The following PAK5 variants were observed in gnomAD, a reference collection of about 807,000 sequenced individuals.
PAK5 encodes serine/threonine-protein kinase PAK 5.
PAK5 carries 16 observed loss-of-function variants against 65.9 expected under a neutral mutation model. The ratio of observed to expected loss-of-function variants is 0.24; its 90% CI spans 0.16 to 0.37. The LOEUF (loss-of-function observed/expected upper bound fraction) is 0.37. PAK5 is among the 10% of genes least tolerant of loss of function. The pLI is 1.00. For missense variants in PAK5, 785 were observed against 903.9 expected (o/e 0.87, Z 1.69); for synonymous variants, 371 against 354.9 (o/e 1.05, Z -0.51).
chr20:9,684,060 A>G (rs1484329918), intron 2 of PAK5, among the ~76,000 whole-genome samples: 1 of 152,220 alleles, frequency 6.6e-6, no homozygotes, highest in Non-Finnish European at 1.5e-5. Flanking sequence ...AAGACTGCCA[A>G]CAAGAACCAG....
chr20:9,631,269 T>C (rs2046917365), intron 3 of PAK5, among the ~76,000 whole-genome samples: 2 of 152,080 alleles, frequency 1.3e-5, no homozygotes, highest in African/African-American at 2.4e-5. Context: ...TTCTAACCAA[T>C]AGAATATGGT....
intron 2 of PAK5, among the ~76,000 whole-genome samples, chr20:9,695,455 C>T (rs1032771243): frequency 1.3e-5 from 2 of 152,000 alleles, no homozygotes; most frequent in Admixed American, 1.3e-4. Flanking sequence ...AATACATTAT[C>T]CTGCTTTTAG....
At chr20:9,739,186 T>G (rs984544717) in intron 1 of PAK5, among the ~76,000 whole-genome samples, 5 of 152,082 alleles carry the variant, frequency 3.3e-5, no homozygotes, top group African/African-American at 9.7e-5. Context: ...TGAAACATTT[T>G]TCTTTCTGCA....
At chr20:9,701,997 C>CA (rs2047945579) in intron 2 of PAK5, among the ~76,000 whole-genome samples, 2 of 151,500 alleles carry the variant, frequency 1.3e-5, no homozygotes, top group African/African-American at 2.4e-5. Flanking sequence ...GACCCTGTCT[C>CA]AAAAAAAATT....
chr20:9,628,705 C>T (rs765044364), intron 3 of PAK5, among the ~76,000 whole-genome samples: 12 of 152,128 alleles, frequency 7.9e-5, no homozygotes, highest in Non-Finnish European at 1.6e-4. Flanking sequence ...TAGCAGTTGC[C>T]ACCGGTGCTG....
At chr20:9,739,195 C>T (rs2123578967) in intron 1 of PAK5, among the ~76,000 whole-genome samples, 1 of 151,358 alleles carries the variant, frequency 6.6e-6, no homozygotes, top group South Asian at 2.1e-4. Flanking sequence ...TTTCTTTCTG[C>T]AGTTGAATCA....
At chr20:9,813,299 G>C (rs2049319308) in intron 1 of PAK5, among the ~76,000 whole-genome samples, 2 of 151,364 alleles carry the variant, frequency 1.3e-5, no homozygotes, top group South Asian at 4.3e-4. Context: ...GGGGGTGACA[G>C]ATATGTTCAT....
intron 3 of PAK5, among the ~76,000 whole-genome samples, chr20:9,600,371 T>A (rs2046338960): frequency 6.6e-6 from 1 of 152,250 alleles, no homozygotes; most frequent in Non-Finnish European, 1.5e-5. Flanking sequence ...ATGGTTTTCC[T>A]ATTTCTGTAA....
intron 3 of PAK5, among the ~76,000 whole-genome samples, chr20:9,610,440 T>C (rs1241607478): frequency 4.6e-5 from 7 of 152,220 alleles, no homozygotes; most frequent in Non-Finnish European, 1.0e-4. Flanking sequence ...TTTGATGTGG[T>C]TCCATCCCAT....
At chr20:9,777,938 G>C (rs1428726280) in intron 1 of PAK5, among the ~76,000 whole-genome samples, 1 of 152,198 alleles carries the variant, frequency 6.6e-6, no homozygotes, top group Non-Finnish European at 1.5e-5. Flanking sequence ...GATGGTATAG[G>C]CTAAGCACTT....
intron 1 of PAK5, among the ~76,000 whole-genome samples, chr20:9,714,870 C>T (rs2048123352): frequency 1.3e-5 from 2 of 152,154 alleles, no homozygotes; most frequent in South Asian, 4.1e-4. Flanking sequence ...AGATCCCTTC[C>T]TTACACCTTA....
At chr20:9,558,575 A>G (rs1322631524) in intron 6 of PAK5, among the ~76,000 whole-genome samples, 1 of 152,168 alleles carries the variant, frequency 6.6e-6, no homozygotes, top group Non-Finnish European at 1.5e-5. Flanking sequence ...CATCTTAGAA[A>G]TGGGGACAGC....
intron 1 of PAK5, among the ~76,000 whole-genome samples, chr20:9,817,433 C>A (rs1426783595): frequency 1.3e-5 from 2 of 152,134 alleles, no homozygotes; most frequent in Non-Finnish European, 2.9e-5. Context: ...CAATAGTGAT[C>A]TCTTAATATG....
At position 9,557,653 on chromosome 20, in the gene PAK5, G is replaced by A; in HGVS notation, c.1698C>T (p.His566=). The change falls in exon 7 of 10, where the codon CAC becomes CAT. Residue 566 remains histidine, a synonymous_variant. Transcript: ENST00000353224. ...LSYLHNQGVI[H]RDIKSDSILL... ...GGATGGAGTCACTTTTTATGTCCCT[G>A]TGAATCACTCCTTGGTTATGAAGGT... is the stretch of plus-strand genomic sequence containing the variant. The A allele has an allele frequency of 6.2e-7, 1 of 1,612,194 alleles. No homozygotes were observed. The highest frequency in any genetic ancestry group is 1.3e-5 in the African/African-American group (1 of 75,012).
intron 1 of PAK5, among the ~76,000 whole-genome samples, chr20:9,749,431 G>C (rs1447185894): frequency 6.6e-6 from 1 of 152,116 alleles, no homozygotes; most frequent in Non-Finnish European, 1.5e-5. Flanking sequence ...TTATGAGGTT[G>C]AAAAATCCTG....
intron 1 of PAK5, among the ~76,000 whole-genome samples, chr20:9,729,749 A>T (rs1414541015): frequency 6.6e-6 from 1 of 151,636 alleles, no homozygotes; most frequent in African/African-American, 2.4e-5. Flanking sequence ...GCTCAAAGAT[A>T]GAAGAAACCT....
At chr20:9,617,619 G>C (rs901633663) in intron 3 of PAK5, among the ~76,000 whole-genome samples, 3 of 143,042 alleles carry the variant, frequency 2.1e-5, no homozygotes, top group African/African-American at 7.8e-5. Context: ...GCAGTGGTGC[G>C]ATCTCGGCTC....
At chr20:9,613,971 G>T (rs115073993) in intron 3 of PAK5, among the ~76,000 whole-genome samples, 3,967 of 152,258 alleles carry the variant, frequency 0.026, 119 homozygotes, top group African/African-American at 0.083. Context: ...CATAAAAAAA[G>T]GTAAAGACCA....
intron 2 of PAK5, among the ~76,000 whole-genome samples, chr20:9,656,400 A>G (rs6056783): frequency 0.24 from 36,205 of 151,962 alleles, 5,865 homozygotes; most frequent in African/African-American, 0.44. Flanking sequence ...AAATGCTTCT[A>G]AGGAACCCAG....
Sources: gnomAD v4.1 joint callset for allele counts (sites outside exome capture counted in the v4.1 genomes callset) on GRCh38, gnomAD v4.1.1 for gene constraint, MANE v1.5 for transcripts, NCBI Gene and HGNC (gene_info 2026-07-23, HGNC 2026-07-21) for gene names.